ESCO1: variants seen among roughly 807,000 people sequenced by gnomAD.
The protein encoded by ESCO1 is establishment of sister chromatid cohesion N-acetyltransferase 1.
In ESCO1, 33 loss-of-function variants were observed where a neutral mutation model predicts 83.5. That is an observed-to-expected ratio of 0.40 (90% CI 0.30 to 0.53). ESCO1 has a LOEUF of 0.53. Among genes scored for constraint, ESCO1 ranks in the 20% least tolerant of loss-of-function variants. The pLI is 0.63. For synonymous variants in ESCO1, 332 were observed against 324.3 expected (o/e 1.02, Z -0.25); for missense variants, 855 against 968.0 (o/e 0.88, Z 1.55).
chr18:21,543,766 A>AAAACAGAAC (rs2037936295), intron 8 of ESCO1, among the ~76,000 whole-genome samples: 1 of 152,228 alleles, frequency 6.6e-6, no homozygotes, highest in Non-Finnish European at 1.5e-5. Flanking sequence ...ACAAGGGAAA[A>AAAACAGAAC]AAACAGAACC....
intron 6 of ESCO1, among the ~76,000 whole-genome samples, chr18:21,565,238 T>C (rs2038243886): frequency 6.6e-6 from 1 of 152,244 alleles, no homozygotes; most frequent in Admixed American, 6.5e-5. Context: ...GTTTTAGCTA[T>C]CTAAGTCATT....
Position 21,573,995 on chromosome 18 carries a change from T to C in ESCO1, c.849A>G (p.Ser283=). The C allele has an allele frequency of 1.2e-6, 2 of 1,613,862 alleles. No individual in the cohort carries two copies. Among genetic ancestry groups the C allele is most frequent in the Non-Finnish European group, 1.7e-6 (2 of 1,180,022 alleles). The part of the protein sequence containing the change: ...NTTLPKSPQP[S]VPEQSDNELE... ...GCTCATTATCACTTTGTTCAGGCAC[T>C]GATGGCTGTGGACTTTTTGGGAGTG... is the stretch of plus-strand genomic sequence containing the variant. Residue 283 remains serine, a synonymous_variant, in exon 4 of 12, where the codon TCA becomes TCG. Transcript: ENST00000269214.
chr18:21,562,558 T>C (rs2038202650), intron 7 of ESCO1, among the ~76,000 whole-genome samples: 1 of 151,962 alleles, frequency 6.6e-6, no homozygotes, highest in Non-Finnish European at 1.5e-5. Context: ...AGAGGATCAC[T>C]TGAGGCTGGG....
intron 8 of ESCO1, among the ~76,000 whole-genome samples, chr18:21,558,662 G>A (rs537704991): frequency 6.7e-6 from 1 of 149,684 alleles, no homozygotes; most frequent in African/African-American, 2.4e-5. Context: ...AGGAGGTGGA[G>A]GAGGCAGTGA....
intron 2 of ESCO1, among the ~76,000 whole-genome samples, chr18:21,577,725 A>C (rs923675146): frequency 3.3e-5 from 5 of 152,082 alleles, no homozygotes; most frequent in African/African-American, 1.2e-4. Context: ...CACTCAGAAG[A>C]CTAGAGGTAT....
At chr18:21,576,629 G>T (rs1214642541) in intron 2 of ESCO1, among the ~76,000 whole-genome samples, 1 of 152,186 alleles carries the variant, frequency 6.6e-6, no homozygotes, top group East Asian at 1.9e-4. Flanking sequence ...TGACTTAGTA[G>T]GCTCAAGAAA....
chr18:21,553,663 G>C (rs2038074704), intron 8 of ESCO1, among the ~76,000 whole-genome samples: 1 of 151,732 alleles, frequency 6.6e-6, no homozygotes, highest in South Asian at 2.1e-4. Flanking sequence ...TTCGAGACCA[G>C]CCTGACCAAC....
intron 2 of ESCO1, among the ~76,000 whole-genome samples, chr18:21,581,913 A>G (rs1598475767): frequency 6.6e-6 from 1 of 150,496 alleles, no homozygotes; most frequent in Non-Finnish European, 1.5e-5. Flanking sequence ...AATCTCATCT[A>G]TACTAAAAAA....
intron 8 of ESCO1, among the ~76,000 whole-genome samples, chr18:21,548,163 G>C (rs2146183526): frequency 6.6e-6 from 1 of 152,124 alleles, no homozygotes; most frequent in Non-Finnish European, 1.5e-5. Flanking sequence ...ATAAAAATGG[G>C]ATGGCATTCT....
chr18:21,575,611 A>C (rs149666969), intron 3 of ESCO1, 61 bp downstream of exon 3: 90 of 398,302 alleles, frequency 2.3e-4, no homozygotes, highest in African/African-American at 1.6e-3. Context: ...AATAATCAAT[A>C]ACTTGTCTTA....
intron 8 of ESCO1, among the ~76,000 whole-genome samples, chr18:21,554,675 G>A (rs1277709280): frequency 2.0e-5 from 3 of 152,102 alleles, no homozygotes; most frequent in South Asian, 2.1e-4. Context: ...TTTGGGAGAC[G>A]GAGGGGGCAG....
At position 21,573,575 on chromosome 18, in the gene ESCO1, T is replaced by C; in HGVS notation, c.1269A>G (p.Ser423=). 3 of 1,614,176 alleles carry C rather than the reference T, an allele frequency of 1.9e-6. No individual in the cohort carries two copies. Among genetic ancestry groups the C allele is most frequent in the Non-Finnish European group, 2.5e-6 (3 of 1,180,030 alleles). ...GATGATGCATTTCTAAAGCTGGTGG[T>C]GAAAAACTGGTTCGTAATAAGCCTA... ...PKLGLLRTSF[S]PPALEMHHPV... Residue 423 remains serine, a synonymous_variant, in exon 4 of 12, where the codon TCA becomes TCG. Coordinates refer to ENST00000269214, the MANE Select transcript of ESCO1 (RefSeq NM_052911.3).
At chr18:21,592,296 A>G (rs1361976803) in intron 1 of ESCO1, among the ~76,000 whole-genome samples, 3 of 144,794 alleles carry the variant, frequency 2.1e-5, no homozygotes, top group Non-Finnish European at 4.5e-5. Context: ...GGCCGGGCAG[A>G]GGGGCTCCTC....
At chr18:21,564,157 A>T (rs2038227159) in intron 7 of ESCO1, 46 bp downstream of exon 7, 1 of 1,175,664 alleles carries the variant, frequency 8.5e-7, no homozygotes, top group African/African-American at 1.5e-5. Context: ...ATATACTAAG[A>T]TGGTTCTAAC....
chr18:21,530,397 A>C lies in ESCO1; in HGVS notation c.2469T>G (p.Cys823Trp). 1 of 1,608,388 alleles carries C rather than the reference A, an allele frequency of 6.2e-7. No homozygotes were observed. The highest frequency in any genetic ancestry group is 8.5e-7 in the Non-Finnish European group (1 of 1,178,604). The change falls in exon 12 of 12, where the codon TGT becomes TGG. Residue 823 changes from cysteine to tryptophan, a missense_variant. Physicochemically the swap from Cys to Trp is radical, Grantham distance 215. Transcript: ENST00000269214. ...PDGKLFATQY[C>W]GTGQFLVYNF... ...TATATACCAGAAATTGACCAGTGCC[A>C]CAGTACTGTGTTGCAAACAGCTTTC...
intron 8 of ESCO1, among the ~76,000 whole-genome samples, chr18:21,546,847 G>A (rs1375431045): frequency 6.6e-6 from 1 of 151,554 alleles, no homozygotes; most frequent in African/African-American, 2.4e-5. Context: ...GTGCCTGGCT[G>A]GTTTAGGTTT....
At chr18:21,537,118 C>A (rs889629800) in intron 9 of ESCO1, among the ~76,000 whole-genome samples, 1 of 152,214 alleles carries the variant, frequency 6.6e-6, no homozygotes, top group African/African-American at 2.4e-5. Flanking sequence ...CAAAATGTTA[C>A]TATGGCATCA....
intron 8 of ESCO1, among the ~76,000 whole-genome samples, chr18:21,548,835 G>A (rs1055294229): frequency 6.6e-5 from 10 of 151,850 alleles, no homozygotes; most frequent in Admixed American, 1.3e-4. Flanking sequence ...AGCTACTTGG[G>A]AGACTCAGGC....
At chr18:21,551,498 C>T (rs181736225) in intron 8 of ESCO1, among the ~76,000 whole-genome samples, 1 of 152,164 alleles carries the variant, frequency 6.6e-6, no homozygotes, top group African/African-American at 2.4e-5. Flanking sequence ...CCAGCCCTTC[C>T]TAAGTGAGCA....
Sources: allele counts gnomAD v4.1 joint callset (sites outside exome capture counted in the v4.1 genomes callset), GRCh38; gene constraint gnomAD v4.1.1; transcripts MANE v1.5; gene names NCBI Gene and HGNC (gene_info 2026-07-23, HGNC 2026-07-21).